The following LRRC37A variants were observed in gnomAD, a reference collection of about 807,000 sequenced individuals.
The protein encoded by LRRC37A is leucine rich repeat containing 37A.
LRRC37A carries 3 observed loss-of-function variants against 35.4 expected under a neutral mutation model. The observed-to-expected ratio is 0.08, with a 90% CI of 0.04 to 0.22. The LOEUF (loss-of-function observed/expected upper bound fraction) is 0.22. Ranked by LOEUF, LRRC37A falls within the 10% of genes least tolerant of loss-of-function variation. LRRC37A has a pLI of 1.00. For missense variants in LRRC37A, 67 were observed against 565.3 expected (o/e 0.12, Z 8.94); for synonymous variants, 23 against 215.0 (o/e 0.11, Z 7.81).
the LRRC37A span, chr17:46,260,620 C>CTTTTTTTTTTTTT: frequency 9.3e-7 from 1 of 1,076,430 alleles, no homozygotes; most frequent in South Asian, 1.7e-5. Flanking sequence ...TCTCTATTCT[C>CTTTTTTTTTTTTT]TTTTTTTTTT....
chr17:46,278,407 T>A, the LRRC37A span, among the ~76,000 whole-genome samples: 6 of 149,882 alleles, frequency 4.0e-5, no homozygotes, highest in African/African-American at 1.5e-4. Context: ...TTTTGTTTTT[T>A]TTTTGTTGTT....
the LRRC37A span, among the ~76,000 whole-genome samples, chr17:46,258,268 C>T: frequency 4.6e-4 from 70 of 151,834 alleles, no homozygotes; most frequent in Non-Finnish European, 5.2e-4. Flanking sequence ...TGGAGTGCAG[C>T]GGCACGATCC....
At chr17:46,263,196 G>A in the LRRC37A span, among the ~76,000 whole-genome samples, 1 of 152,208 alleles carries the variant, frequency 6.6e-6, no homozygotes, top group Middle Eastern at 3.2e-3. Context: ...TCCAGCCTAA[G>A]CAACAGTGAG....
At chr17:46,265,560 C>A in the LRRC37A span, among the ~76,000 whole-genome samples, 1 of 151,894 alleles carries the variant, frequency 6.6e-6, no homozygotes. Context: ...CTCACTGCAA[C>A]CTCCACCTCC....
chr17:46,256,507 C>G, the LRRC37A span, among the ~76,000 whole-genome samples: 2 of 152,198 alleles, frequency 1.3e-5, no homozygotes, highest in Non-Finnish European at 2.9e-5. Flanking sequence ...GAAAAGAGCC[C>G]TTGCCAGCAC....
At chr17:46,288,981 G>A (rs138340592), upstream of LRRC37A, among the ~76,000 whole-genome samples, 4 of 151,980 alleles carry the variant, frequency 2.6e-5, no homozygotes, top group East Asian at 7.9e-4. Context: ...GATTACAAGC[G>A]TGAGTCTCTG....
At chr17:46,284,669 T>C in the LRRC37A span, among the ~76,000 whole-genome samples, 2,124 of 152,148 alleles carry the variant, frequency 0.014, 10 homozygotes, top group Middle Eastern at 0.034. Context: ...ATGCTGGCAT[T>C]GCAACTGCTT....
chr17:46,271,348 T>A, the LRRC37A span, among the ~76,000 whole-genome samples: 1 of 149,838 alleles, frequency 6.7e-6, no homozygotes, highest in Non-Finnish European at 1.5e-5. Flanking sequence ...TTTTTTTTTT[T>A]TTTTTGTATT....
the LRRC37A span, among the ~76,000 whole-genome samples, chr17:46,272,464 G>C: frequency 6.6e-6 from 1 of 152,130 alleles, no homozygotes; most frequent in Non-Finnish European, 1.5e-5. Flanking sequence ...CCCCAGGCTG[G>C]AGTGCAATGG....
chr17:46,260,655 C>G, the LRRC37A span: 1 of 1,390,116 alleles, frequency 7.2e-7, no homozygotes, highest in Non-Finnish European at 9.6e-7. Flanking sequence ...CGTAGTTTCA[C>G]TCTTGTTCTC....
the LRRC37A span, among the ~76,000 whole-genome samples, chr17:46,271,497 C>A: frequency 6.6e-6 from 1 of 152,022 alleles, no homozygotes; most frequent in Admixed American, 6.6e-5. Context: ...ATGATAGTTT[C>A]AATCAGGAAG....
At chr17:46,253,946 G>C in the LRRC37A span, among the ~76,000 whole-genome samples, 276 of 152,350 alleles carry the variant, frequency 1.8e-3, 2 homozygotes, top group African/African-American at 6.2e-3. Flanking sequence ...TGAACCAACA[G>C]AGGTAGGGGA....
At chr17:46,249,178 A>G in the LRRC37A span, among the ~76,000 whole-genome samples, 5 of 151,844 alleles carry the variant, frequency 3.3e-5, no homozygotes, top group Admixed American at 1.3e-4. Context: ...ACAACTGTTC[A>G]CTCCTTTTTA....
the LRRC37A span, chr17:46,260,554 A>G: frequency 6.6e-7 from 1 of 1,514,670 alleles, no homozygotes; most frequent in Non-Finnish European, 9.1e-7. Context: ...CCACGCCTCC[A>G]GCGCCGCCTT....
At chr17:46,309,368 G>A (rs1178578017) in intron 5 of LRRC37A, 1 of 7,354 alleles carries the variant, frequency 1.4e-4, no homozygotes, top group Admixed American at 1.7e-3. Context: ...TGTTAAGTAT[G>A]TTTATATTTT....
chr17:46,267,866 G>A, the LRRC37A span, among the ~76,000 whole-genome samples: 1 of 148,580 alleles, frequency 6.7e-6, no homozygotes, highest in African/African-American at 2.5e-5. Flanking sequence ...GTGGAGGGTT[G>A]GTAGCGGGGA....
At chr17:46,264,171 C>T in the LRRC37A span, among the ~76,000 whole-genome samples, 1 of 129,708 alleles carries the variant, frequency 7.7e-6, no homozygotes, top group Non-Finnish European at 1.7e-5. Context: ...TTTGTAGAGA[C>T]CAGGCTGGTC....
At chr17:46,270,874 T>C in the LRRC37A span, among the ~76,000 whole-genome samples, 2 of 152,242 alleles carry the variant, frequency 1.3e-5, no homozygotes, top group Non-Finnish European at 2.9e-5. Context: ...CCCTCCAGCC[T>C]GGGCAACAGA....
chr17:46,249,580 G>C, the LRRC37A span, among the ~76,000 whole-genome samples: 4 of 152,054 alleles, frequency 2.6e-5, no homozygotes, highest in Admixed American at 1.3e-4. Flanking sequence ...CCTTCTTGTT[G>C]CCAACAATGG....
Sources: allele counts gnomAD v4.1 joint callset (sites outside exome capture counted in the v4.1 genomes callset), GRCh38; gene constraint gnomAD v4.1.1; transcripts MANE v1.5; gene names NCBI Gene and HGNC (gene_info 2026-07-23, HGNC 2026-07-21).